SHANK2: variants seen among roughly 807,000 people sequenced by gnomAD.
The protein encoded by SHANK2 is SH3 and multiple ankyrin repeat domains 2.
In SHANK2, 43 loss-of-function variants were observed where a neutral mutation model predicts 133.7. The observed-to-expected ratio is 0.32, with a 90% CI of 0.25 to 0.41. SHANK2 has a LOEUF of 0.41. Ranked by LOEUF, SHANK2 falls within the 10% of genes least tolerant of loss-of-function variation. The probability of loss-of-function intolerance (pLI) is 1.00; values close to 1 mark genes in which losing one functional copy is unlikely to be tolerated. For synonymous variants in SHANK2, 1,017 were observed against 952.8 expected (o/e 1.07, Z -1.24); for missense variants, 1,994 against 2,235.8 (o/e 0.89, Z 2.18).
chr11:71,148,162 G>A (rs560266693), intron 2 of SHANK2, among the ~76,000 whole-genome samples: 5 of 149,698 alleles, frequency 3.3e-5, no homozygotes, highest in Admixed American at 1.3e-4. Context: ...TCGGCTCACC[G>A]CAACCTCCGC....
chr11:70,803,320 A>G (rs1269465709), intron 13 of SHANK2, among the ~76,000 whole-genome samples: 1 of 149,400 alleles, frequency 6.7e-6, no homozygotes, highest in African/African-American at 2.5e-5. Flanking sequence ...CTTCCAGCCT[A>G]CCCATCCATC....
chr11:70,927,980 G>A (rs1157957505), intron 10 of SHANK2, among the ~76,000 whole-genome samples: 1 of 152,140 alleles, frequency 6.6e-6, no homozygotes, highest in Non-Finnish European at 1.5e-5. Flanking sequence ...GTTTGCAGAT[G>A]GCAGATTGTG....
At chr11:70,511,084 G>A (rs1248938488) in intron 17 of SHANK2, among the ~76,000 whole-genome samples, 2 of 151,842 alleles carry the variant, frequency 1.3e-5, no homozygotes, top group Non-Finnish European at 2.9e-5. Flanking sequence ...CCTGCTCCCC[G>A]TGTGAAGGTG....
chr11:71,192,374 G>C (rs1555115573), intron 2 of SHANK2, among the ~76,000 whole-genome samples: 2 of 152,180 alleles, frequency 1.3e-5, no homozygotes, highest in Non-Finnish European at 2.9e-5. Flanking sequence ...GGCTCCTTGA[G>C]GACTGTTGGG....
intron 15 of SHANK2, among the ~76,000 whole-genome samples, chr11:70,663,322 T>C (rs1014263330): frequency 6.6e-6 from 1 of 151,998 alleles, no homozygotes; most frequent in Non-Finnish European, 1.5e-5. Flanking sequence ...CCACCCCGGA[T>C]TGGGGGGCCC....
rs10897733 is a variant in SHANK2, at chr11:71,175,598, G to A, written c.-12-28260C>T. On this transcript the variant is annotated intron_variant, in intron 2 of 25. Transcript: ENST00000601538. The surrounding 1 kb of genome is among the most constrained non-coding windows in gnomAD (Gnocchi z 4.2). Reference sequence around the variant, plus strand: ...AGAGAGAGAGAGAGAGAGAGAGAGAGAGAGACAGAGACAGAGACATCGCTT... The same window carrying A: ...AGAGAGAGAGAGAGAGAGAGAGAGAAAGAGACAGAGACAGAGACATCGCTT... Among the ~76,000 whole-genome samples, 1 of 107,330 alleles carries A rather than the reference G, an allele frequency of 9.3e-6. No individual in the cohort carries two copies. The highest frequency in any genetic ancestry group is 2.0e-5 in the Non-Finnish European group (1 of 50,104). The allele number at this position is 107,330 out of a possible 152,430, so 70.4% of individuals were successfully genotyped here.
chr11:70,490,252 G>C (rs782338100), intron 23 of SHANK2, 24 bp downstream of exon 23: 1 of 1,590,380 alleles, frequency 6.3e-7, no homozygotes. Flanking sequence ...GGCAACTTCT[G>C]TGGGGGAGTG....
intron 14 of SHANK2, among the ~76,000 whole-genome samples, chr11:70,700,110 TG>T (rs1186259185): frequency 1.3e-5 from 2 of 152,128 alleles, no homozygotes; most frequent in East Asian, 3.8e-4. Flanking sequence ...TTTGACACAG[TG>T]GCTAAGTCTT....
intron 17 of SHANK2, among the ~76,000 whole-genome samples, chr11:70,555,204 G>A (rs2059814881): frequency 1.3e-5 from 2 of 152,160 alleles, no homozygotes; most frequent in Admixed American, 1.3e-4. Context: ...CTCTCCCTCT[G>A]TGCAGGCCTC....
At chr11:70,536,068 C>T (rs2059539643) in intron 17 of SHANK2, among the ~76,000 whole-genome samples, 1 of 152,222 alleles carries the variant, frequency 6.6e-6, no homozygotes, top group African/African-American at 2.4e-5. Flanking sequence ...ACCTGCACCC[C>T]CAGGCCCCAG....
At chr11:71,173,701 T>G (rs1221148761) in intron 2 of SHANK2, among the ~76,000 whole-genome samples, 3 of 152,218 alleles carry the variant, frequency 2.0e-5, no homozygotes, top group African/African-American at 7.2e-5. Flanking sequence ...AGATCTTCTT[T>G]GAGAATATTT....
In SHANK2 at chr11:71,243,511, G is replaced by A. The variant is rs140256750; in HGVS notation, c.-113+8914C>T. 2.1e-3 allele frequency among the ~76,000 whole-genome samples: 315 copies of A among 152,220 alleles called. 3 individuals carry two copies. The highest frequency in any genetic ancestry group is 6.3e-3 in the African/African-American group (263 of 41,536). On this transcript the variant is annotated intron_variant, in intron 1 of 25. Transcript: ENST00000601538. ...AGATCAAGACCATCCTGGCTAGCACGGTGAAACCCCGTCTCTACTAAAAAT... is the reference window on the plus strand; with the variant it reads ...AGATCAAGACCATCCTGGCTAGCACAGTGAAACCCCGTCTCTACTAAAAAT...
intron 14 of SHANK2, among the ~76,000 whole-genome samples, chr11:70,779,112 G>T (rs1254564974): frequency 1.3e-5 from 2 of 152,118 alleles, no homozygotes; most frequent in Non-Finnish European, 2.9e-5. Context: ...AAAGGAACCT[G>T]AAATAACACA....
At chr11:70,924,061 A>C (rs1218545052) in intron 10 of SHANK2, among the ~76,000 whole-genome samples, 1 of 152,160 alleles carries the variant, frequency 6.6e-6, no homozygotes, top group East Asian at 1.9e-4. Context: ...GGCCAACTAC[A>C]CAGAAACCAA....
At position 70,704,667 on chromosome 11, in the gene SHANK2, A is replaced by G. The variant is rs1384697024; in HGVS notation, c.1778-5904T>C. ...GGGCTATGGCCACCATTCAAAGCAC[A>G]GGGAGGGAGTGAGTCCAGCAATGAA... On this transcript the variant is annotated intron_variant, in intron 14 of 25. Coordinates refer to ENST00000601538, the MANE Select transcript of SHANK2 (RefSeq NM_012309.5). 1.2e-4 allele frequency among the ~76,000 whole-genome samples: 18 copies of G among 152,352 alleles called. 1 individual carries two copies. In the East Asian group the frequency reaches 2.5e-3, roughly 21 times the overall value.
At chr11:71,067,381 C>T (rs1951078566) in intron 9 of SHANK2, among the ~76,000 whole-genome samples, 1 of 152,236 alleles carries the variant, frequency 6.6e-6, no homozygotes, top group Non-Finnish European at 1.5e-5. Flanking sequence ...ACTTGCTTCG[C>T]TCCTTCATCA....
chr11:70,532,230 T>C (rs1037718068), intron 17 of SHANK2, among the ~76,000 whole-genome samples: 1 of 152,152 alleles, frequency 6.6e-6, no homozygotes, highest in Non-Finnish European at 1.5e-5. Flanking sequence ...GGTGCCCCCA[T>C]ACTGTGCAAG....
chr11:70,482,399 G>C (rs1046727459), intron 25 of SHANK2, among the ~76,000 whole-genome samples: 3 of 152,226 alleles, frequency 2.0e-5, no homozygotes, highest in Non-Finnish European at 2.9e-5. Context: ...CCCCGCCCGC[G>C]GCAGTCTCAG....
intron 10 of SHANK2, among the ~76,000 whole-genome samples, chr11:70,919,233 A>T (rs1950313977): frequency 6.6e-6 from 1 of 152,198 alleles, no homozygotes; most frequent in Admixed American, 6.5e-5. Flanking sequence ...CGAGCTGATG[A>T]ACACGCACAC....
Sources: gnomAD v4.1 joint callset for allele counts (sites outside exome capture counted in the v4.1 genomes callset) on GRCh38, gnomAD v4.1.1 for gene constraint, Gnocchi (gnomAD v3.1) non-coding constraint, MANE v1.5 for transcripts, NCBI Gene and HGNC (gene_info 2026-07-23, HGNC 2026-07-21) for gene names.